The following TRAPPC9 variants were observed in gnomAD, a reference collection of about 807,000 sequenced individuals.
TRAPPC9 encodes the protein IKK2 binding protein.
TRAPPC9 carries 83 observed loss-of-function variants against 124.0 expected under a neutral mutation model. The observed-to-expected ratio is 0.67, with a 90% CI of 0.56 to 0.80. The LOEUF (loss-of-function observed/expected upper bound fraction) is 0.80, where lower values mean the gene tolerates loss of function less well. Among genes scored for constraint, TRAPPC9 ranks in the 30% least tolerant of loss-of-function variants. The pLI, the probability that TRAPPC9 is intolerant of heterozygous loss-of-function variation, is 0.00. For missense variants in TRAPPC9, 1,302 were observed against 1,508.3 expected, an observed-to-expected ratio of 0.86 and a Z score of 2.27; for synonymous variants, 638 against 617.5, an observed-to-expected ratio of 1.03 and a Z score of -0.49.
At chr8:139,803,958 C>T (rs1356030715) in intron 21 of TRAPPC9, among the ~76,000 whole-genome samples, 2 of 152,052 alleles carry the variant, frequency 1.3e-5, no homozygotes, top group African/African-American at 4.8e-5. Flanking sequence ...CCCCAATCAC[C>T]TTTCTCCAGT....
Position 140,201,883 on chromosome 8 carries a change from A to G in TRAPPC9, c.2556+19576T>C, listed in dbSNP as rs2062799183. ...AGCAGTGCCGTGTCAGGCGAGAGGGAGCGAGAAGGCTCAGCTGGCCCTGGT... is the reference window on the plus strand; with the variant it reads ...AGCAGTGCCGTGTCAGGCGAGAGGGGGCGAGAAGGCTCAGCTGGCCCTGGT... On this transcript the variant is annotated intron_variant, in intron 17 of 22. Coordinates refer to ENST00000438773, the MANE Select transcript of TRAPPC9 (RefSeq NM_001160372.4). Among the ~76,000 whole-genome samples, 4 of 152,120 alleles carry G rather than the reference A, an allele frequency of 2.6e-5. 1 individual carries two copies. The highest frequency in any genetic ancestry group is 2.6e-4 in the Admixed American group (4 of 15,256).
intron 17 of TRAPPC9, among the ~76,000 whole-genome samples, chr8:140,033,665 T>TTTTTTTTTTTTG (rs1563706630): frequency 7.1e-4 from 19 of 26,838 alleles, no homozygotes; most frequent in Middle Eastern, 0.017. Context: ...GTGGTTTTTT[T>TTTTTTTTTTTTG]TTTTTTTTTT....
chr8:140,111,659 G>A (rs1444648741), intron 17 of TRAPPC9, among the ~76,000 whole-genome samples: 1 of 152,234 alleles, frequency 6.6e-6, no homozygotes, highest in Non-Finnish European at 1.5e-5. Context: ...TTCATTAAAA[G>A]AGTCCCAATG....
chr8:140,010,124 C>A (rs185864577), intron 18 of TRAPPC9, among the ~76,000 whole-genome samples: 1 of 152,042 alleles, frequency 6.6e-6, no homozygotes, highest in South Asian at 2.1e-4. Context: ...AATAACAAAT[C>A]GAAATTTAAT....
At chr8:140,458,158 T>C (rs1297559347), upstream of TRAPPC9, 1 of 1,163,482 alleles carries the variant, frequency 8.6e-7, no homozygotes, top group African/African-American at 3.9e-5. Context: ...AGGAGGGAGA[T>C]GGAGGGAGAT....
At chr8:140,330,574 T>G (rs555857986) in intron 9 of TRAPPC9, among the ~76,000 whole-genome samples, 2 of 152,268 alleles carry the variant, frequency 1.3e-5, no homozygotes, top group Admixed American at 1.3e-4. Context: ...TCCTTTCAGG[T>G]TTATAAACAT....
chr8:140,269,174 G>A (rs562762758), intron 15 of TRAPPC9, among the ~76,000 whole-genome samples: 3 of 152,236 alleles, frequency 2.0e-5, no homozygotes, highest in African/African-American at 7.2e-5. Context: ...CTAGTTAATG[G>A]TACATGTGCT....
At chr8:140,270,543 G>C (rs1308910864) in intron 15 of TRAPPC9, among the ~76,000 whole-genome samples, 1 of 152,202 alleles carries the variant, frequency 6.6e-6, no homozygotes, top group African/African-American at 2.4e-5. Flanking sequence ...TAGAGAAAGA[G>C]ACCAATAAAG....
intron 17 of TRAPPC9, among the ~76,000 whole-genome samples, chr8:140,174,996 T>C (rs1236472233): frequency 7.5e-6 from 1 of 133,890 alleles, no homozygotes; most frequent in Non-Finnish European, 1.7e-5. Context: ...TCAATGCACC[T>C]GGGGATTTTT....
At chr8:139,829,676 G>A (rs1023575787) in intron 21 of TRAPPC9, among the ~76,000 whole-genome samples, 2 of 152,214 alleles carry the variant, frequency 1.3e-5, no homozygotes, top group Non-Finnish European at 2.9e-5. Context: ...CACACAGTTT[G>A]CGGGGCTATG....
intron 3 of TRAPPC9, among the ~76,000 whole-genome samples, 167 bp from the exon 4 acceptor site, chr8:140,435,407 A>T (rs138114522): frequency 1.1e-4 from 16 of 152,354 alleles, no homozygotes; most frequent in Admixed American, 1.0e-3. Flanking sequence ...CAAAGATCAA[A>T]CCTAAAGATC....
intron 17 of TRAPPC9, among the ~76,000 whole-genome samples, chr8:140,207,980 C>T (rs1463491292): frequency 6.6e-6 from 1 of 151,964 alleles, no homozygotes; most frequent in Non-Finnish European, 1.5e-5. Context: ...GGAGAAACCC[C>T]ATCTCTACTA....
chr8:139,774,869 C>T (rs1278104100), intron 21 of TRAPPC9, among the ~76,000 whole-genome samples: 1 of 152,214 alleles, frequency 6.6e-6, no homozygotes, highest in Non-Finnish European at 1.5e-5. Flanking sequence ...ATGTCACACA[C>T]TTTTGGGAGT....
chr8:139,767,696 A>G (rs898070322), intron 21 of TRAPPC9, among the ~76,000 whole-genome samples: 11 of 152,236 alleles, frequency 7.2e-5, no homozygotes, highest in Non-Finnish European at 1.3e-4. Flanking sequence ...AAGCAGGACA[A>G]GCACTTCATC....
At chr8:139,768,697 C>T (rs1365602198) in intron 21 of TRAPPC9, among the ~76,000 whole-genome samples, 3 of 152,196 alleles carry the variant, frequency 2.0e-5, no homozygotes, top group Non-Finnish European at 2.9e-5. Context: ...GAGCTCATAG[C>T]TCACTTTTAT....
intron 7 of TRAPPC9, among the ~76,000 whole-genome samples, chr8:140,375,326 C>T (rs543303085): frequency 3.2e-4 from 48 of 152,312 alleles, no homozygotes; most frequent in African/African-American, 1.0e-3. Context: ...GAGGTTCCAA[C>T]GAAAGTGGCT....
In TRAPPC9 at chr8:139,730,949, G is replaced by GGGA. The variant is rs1817778069; in HGVS notation, c.*109_*111dup. On this transcript the variant is annotated 3_prime_UTR_variant, in exon 23 of 23. Coordinates refer to ENST00000438773, the MANE Select transcript of TRAPPC9 (RefSeq NM_001160372.4). Reference sequence around the variant, plus strand: ...GAGGAGAGGGCTGGGAGGGGTCTGGGGGAGGAGGAGGAGATGGGGCTGCAG... The same window carrying GGGA: ...GAGGAGAGGGCTGGGAGGGGTCTGGGGGAGGAGGAGGAGGAGATGGGGCTGCAG... 4.1e-6 allele frequency: 5 copies of GGGA among 1,215,448 alleles called. No homozygotes were observed. In the South Asian group the frequency reaches 7.1e-5, roughly 17 times the overall value. The allele number at this position is 1,215,448 out of a possible 1,614,324, so 75.3% of individuals were successfully genotyped here.
chr8:140,268,802 G>A (rs761915283), intron 15 of TRAPPC9, among the ~76,000 whole-genome samples: 3 of 152,136 alleles, frequency 2.0e-5, no homozygotes, highest in Non-Finnish European at 4.4e-5. Flanking sequence ...AAGGCATGAC[G>A]GGTGACTACA....
chr8:140,064,553 G>A (rs368971598), intron 17 of TRAPPC9, among the ~76,000 whole-genome samples: 2 of 152,158 alleles, frequency 1.3e-5, no homozygotes, highest in Admixed American at 6.5e-5. Context: ...CCCTGCAGGC[G>A]CACAGGGTCC....
Sources: allele counts gnomAD v4.1 joint callset (sites outside exome capture counted in the v4.1 genomes callset), GRCh38; gene constraint gnomAD v4.1.1; transcripts MANE v1.5; gene names NCBI Gene and HGNC (gene_info 2026-07-23, HGNC 2026-07-21).